UBE2E1: variants seen among roughly 807,000 people sequenced by gnomAD.
The protein encoded by UBE2E1 is ubiquitin conjugating enzyme E2 E1.
A neutral mutation model predicts 21.4 loss-of-function variants in UBE2E1; 6 were observed. The ratio of observed to expected loss-of-function variants is 0.28; its 90% CI spans 0.15 to 0.55. The LOEUF is 0.55. UBE2E1 is among the 20% of genes least tolerant of loss of function. The pLI, the probability that UBE2E1 is intolerant of heterozygous loss-of-function variation, is 0.93. For synonymous variants in UBE2E1, 87 were observed against 82.7 expected (o/e 1.05, Z -0.28); for missense variants, 142 against 236.5 (o/e 0.60, Z 2.62).
At chr3:23,857,021 AG>A in intron 3 of UBE2E1, among the ~76,000 whole-genome samples, 1 of 120,556 alleles carries the variant, frequency 8.3e-6, no homozygotes, top group African/African-American at 3.0e-5. Context: ...AAAAAAAAAG[AG>A]AGAGAATGAG....
chr3:23,837,719 G>T (rs1433018094), intron 3 of UBE2E1, among the ~76,000 whole-genome samples: 1 of 152,166 alleles, frequency 6.6e-6, no homozygotes, highest in Admixed American at 6.5e-5. Flanking sequence ...GTTTTTTAGA[G>T]GACTAGCCTA....
intron 3 of UBE2E1, among the ~76,000 whole-genome samples, chr3:23,841,334 G>A (rs1700079451): frequency 6.6e-6 from 1 of 151,734 alleles, no homozygotes; most frequent in African/African-American, 2.4e-5. Flanking sequence ...CAGCTGAACT[G>A]TGTCATTAGA....
intron 3 of UBE2E1, among the ~76,000 whole-genome samples, chr3:23,817,009 T>G (rs914742228): frequency 2.6e-5 from 4 of 152,254 alleles, no homozygotes; most frequent in Non-Finnish European, 5.9e-5. Flanking sequence ...ATATATATTT[T>G]ATCACAATAA....
At chr3:23,811,889 A>G (rs544901888) in intron 3 of UBE2E1, among the ~76,000 whole-genome samples, 3 of 152,230 alleles carry the variant, frequency 2.0e-5, no homozygotes, top group African/African-American at 4.8e-5. Flanking sequence ...CTCTTATTCA[A>G]TCTCTGCTAA....
intron 3 of UBE2E1, among the ~76,000 whole-genome samples, chr3:23,852,554 C>G (rs1315214244): frequency 6.6e-6 from 1 of 152,196 alleles, no homozygotes; most frequent in Non-Finnish European, 1.5e-5. Context: ...TCTGCAAATA[C>G]AGATCGTGTT....
intron 3 of UBE2E1, among the ~76,000 whole-genome samples, chr3:23,827,981 T>G (rs891430848): frequency 1.3e-5 from 2 of 152,126 alleles, no homozygotes; most frequent in Admixed American, 1.3e-4. Context: ...CTTCTTTGCT[T>G]TTTATTTTTC....
chr3:23,820,903 T>C (rs866731822), intron 3 of UBE2E1, among the ~76,000 whole-genome samples: 1 of 152,182 alleles, frequency 6.6e-6, no homozygotes, highest in African/African-American at 2.4e-5. Context: ...GAAAAAGGCA[T>C]TGAGGCACAT....
intron 3 of UBE2E1, among the ~76,000 whole-genome samples, chr3:23,811,774 G>A (rs1313675445): frequency 6.6e-6 from 1 of 152,212 alleles, no homozygotes; most frequent in Non-Finnish European, 1.5e-5. Flanking sequence ...ATTTAAAGGT[G>A]TCTCCTTGCC....
Position 23,806,234 on chromosome 3 carries a change from C to G in UBE2E1, c.-34+146C>G, listed in dbSNP as rs1699263641. 6.7e-6 allele frequency: 1 copy of G among 149,066 alleles called. No homozygotes were observed. Among genetic ancestry groups the G allele is most frequent in the African/African-American group, 2.4e-5 (1 of 40,974 alleles). 9.2% of individuals were successfully genotyped at this position (149,066 alleles called of 1,614,324 possible). A position where few individuals can be genotyped will look rare whatever the true frequency, so the allele number is the denominator to read the frequency against. ...GGCGCGGGGGGGGAGCGGAGAGGGG[C>G]TGGGGAGCCCCAGGGGTCCGGGGCC... On this transcript the variant is annotated intron_variant, in intron 1 of 5. Transcript: ENST00000306627. This position sits in a 1 kb window ranked among gnomAD's most constrained non-coding sequence, Gnocchi z 6.5.
chr3:23,871,637 G>A (rs1276938986), intron 3 of UBE2E1, among the ~76,000 whole-genome samples: 1 of 150,178 alleles, frequency 6.7e-6, no homozygotes, highest in Non-Finnish European at 1.5e-5. Flanking sequence ...CCAGGCGGAG[G>A]GTCTCCTCGC....
intron 2 of UBE2E1, among the ~76,000 whole-genome samples, chr3:23,809,959 C>G (rs989035469): frequency 6.6e-6 from 1 of 152,186 alleles, no homozygotes; most frequent in East Asian, 1.9e-4. Context: ...GAACAAACCC[C>G]TTTCTAAAGT....
rs1325621972 is a variant in UBE2E1 at position 23,808,665 on chromosome 3, C to G, written c.152+1244C>G. Reference sequence around the variant, plus strand: ...TGTGGAGGTCTTAAGTGGCAAGGTGCCTCTGCAAGATTGTTCTCATTTTTA... The same window carrying G: ...TGTGGAGGTCTTAAGTGGCAAGGTGGCTCTGCAAGATTGTTCTCATTTTTA... On this transcript the variant is annotated intron_variant, in intron 2 of 5. Transcript: ENST00000306627. This position sits in a 1 kb window ranked among gnomAD's most constrained non-coding sequence, Gnocchi z 4.9. The G allele has an allele frequency of 6.6e-6, 1 of 152,174 alleles. No homozygotes were observed. The highest frequency in any genetic ancestry group is 2.4e-5 in the African/African-American group (1 of 41,422). 9.4% of individuals were successfully genotyped at this position (152,174 alleles called of 1,614,324 possible).
rs867009736 is a variant in UBE2E1, at chr3:23,842,204, T to G, written c.203+30694T>G. 2.4e-3 allele frequency among the ~76,000 whole-genome samples: 220 copies of G among 91,984 alleles called. 3 individuals carry two copies. Among genetic ancestry groups the G allele is most frequent in the Admixed American group, 0.015 (118 of 8,002 alleles). The allele number at this position is 91,984 out of a possible 152,430, so 60.3% of individuals were successfully genotyped here. On this transcript the variant is annotated intron_variant, in intron 3 of 5. Coordinates refer to ENST00000306627, the MANE Select transcript of UBE2E1 (RefSeq NM_003341.5). This position sits in a 1 kb window ranked among gnomAD's most constrained non-coding sequence, Gnocchi z 4.6. ...ATGACCCAGTAAGTGAAGGGGTGTG[T>G]GTGTGTGTGTGTGTGTGTGTGTGTG... is the stretch of plus-strand genomic sequence containing the variant.
chr3:23,817,364 G>A (rs1358726442), intron 3 of UBE2E1, among the ~76,000 whole-genome samples: 1 of 149,446 alleles, frequency 6.7e-6, no homozygotes, highest in African/African-American at 2.5e-5. Flanking sequence ...AGAGGTTGCA[G>A]TGAGCCAAGA....
chr3:23,840,778 G>A (rs1267723003), intron 3 of UBE2E1, among the ~76,000 whole-genome samples: 1 of 152,164 alleles, frequency 6.6e-6, no homozygotes, highest in East Asian at 1.9e-4. Flanking sequence ...GATCTCCGGA[G>A]TTCTGTCTCT....
At chr3:23,847,723 C>T (rs1382379256) in intron 3 of UBE2E1, among the ~76,000 whole-genome samples, 1 of 151,994 alleles carries the variant, frequency 6.6e-6, no homozygotes, top group Non-Finnish European at 1.5e-5. Flanking sequence ...TCTCGATCTT[C>T]TGACCTCGTG....
At chr3:23,847,139 C>T (rs560830768) in intron 3 of UBE2E1, among the ~76,000 whole-genome samples, 2 of 152,078 alleles carry the variant, frequency 1.3e-5, no homozygotes, top group Admixed American at 1.3e-4. Flanking sequence ...ATCAGTAGGG[C>T]GATCATATAA....
chr3:23,858,691 T>G lies in UBE2E1; in HGVS notation c.204-28876T>G, dbSNP rs146551633. On this transcript the variant is annotated intron_variant, in intron 3 of 5. Transcript: ENST00000306627. ...AAAATTTATGAAAAAAATGTAATGC[T>G]TTCTCTTATTCTTACCACTCGTGTG... Among the ~76,000 whole-genome samples, 663 of 152,314 alleles carry G rather than the reference T, an allele frequency of 4.4e-3. 7 individuals are homozygous for G. The highest frequency in any genetic ancestry group is 0.015 in the African/African-American group (640 of 41,564).
rs1299518943 is a variant in UBE2E1 at position 23,807,255 on chromosome 3, G to C, written c.-15G>C. ...CCTGCAGGGGCTGTTTGCGGGGTGGGGTGGGGGGTTCGCTATGTCGGATGA... is the reference window on the plus strand; with the variant it reads ...CCTGCAGGGGCTGTTTGCGGGGTGGCGTGGGGGGTTCGCTATGTCGGATGA... On this transcript the variant is annotated 5_prime_UTR_variant, in exon 2 of 6. Transcript: ENST00000306627. The C allele has an allele frequency of 1.2e-6, 2 of 1,609,952 alleles. No individual in the cohort carries two copies. Among genetic ancestry groups the C allele is most frequent in the Non-Finnish European group, 1.7e-6 (2 of 1,178,414 alleles).
Sources: gnomAD v4.1 joint callset for allele counts (sites outside exome capture counted in the v4.1 genomes callset) on GRCh38, gnomAD v4.1.1 for gene constraint, Gnocchi (gnomAD v3.1) non-coding constraint, MANE v1.5 for transcripts, NCBI Gene and HGNC (gene_info 2026-07-23, HGNC 2026-07-21) for gene names.